LINGO2: variants seen among roughly 807,000 people sequenced by gnomAD.
LINGO2 encodes the protein leucine-rich repeat and immunoglobulin-like domain-containing nogo receptor-interacting protein 2.
In LINGO2, 14 loss-of-function variants were observed where a neutral mutation model predicts 30.6. The observed-to-expected ratio is 0.46, with a 90% CI of 0.30 to 0.72. The LOEUF (loss-of-function observed/expected upper bound fraction) is 0.72, where lower values mean the gene tolerates loss of function less well. Ranked by LOEUF, LINGO2 falls within the 30% of genes least tolerant of loss-of-function variation. The pLI, the probability that LINGO2 is intolerant of heterozygous loss-of-function variation, is 0.07. For synonymous variants in LINGO2, 317 were observed against 288.5 expected, an observed-to-expected ratio of 1.10 and a Z score of -1.00; for missense variants, 729 against 751.7, an observed-to-expected ratio of 0.97 and a Z score of 0.35.
intron 4 of LINGO2, among the ~76,000 whole-genome samples, chr9:28,060,913 G>T (rs749019728): frequency 6.3e-4 from 96 of 151,884 alleles, no homozygotes; most frequent in Non-Finnish European, 2.9e-4. Flanking sequence ...TTACAGATAC[G>T]CTGTTTCTTC....
chr9:28,433,949 C>CTCTCTCTCTCTCTATATATATATA (rs1225323260), intron 2 of LINGO2, among the ~76,000 whole-genome samples: 6 of 88,540 alleles, frequency 6.8e-5, no homozygotes, highest in African/African-American at 2.7e-4. Flanking sequence ...CTCTCTCTCT[C>CTCTCTCTCTCTCTATATATATATA]TATATATATA....
intron 4 of LINGO2, among the ~76,000 whole-genome samples, chr9:28,068,721 A>T (rs1039372142): frequency 1.3e-5 from 2 of 152,182 alleles, no homozygotes; most frequent in African/African-American, 4.8e-5. Flanking sequence ...CATCTTACAT[A>T]TCAGGAAGTG....
At chr9:28,305,295 C>T (rs1434555212) in intron 3 of LINGO2, among the ~76,000 whole-genome samples, 1 of 151,980 alleles carries the variant, frequency 6.6e-6, no homozygotes, top group Non-Finnish European at 1.5e-5. Flanking sequence ...TGAATGCTTT[C>T]TTATTAAGAT....
At chr9:28,426,849 C>T (rs1047587775) in intron 2 of LINGO2, among the ~76,000 whole-genome samples, 9 of 152,022 alleles carry the variant, frequency 5.9e-5, no homozygotes, top group Non-Finnish European at 1.2e-4. Context: ...TACCAAACTC[C>T]CCTTTAACAA....
intron 1 of LINGO2, among the ~76,000 whole-genome samples, chr9:28,515,576 A>C (rs1012843353): frequency 2.6e-5 from 4 of 152,182 alleles, no homozygotes; most frequent in African/African-American, 9.7e-5. Flanking sequence ...ACGTAGTGGA[A>C]ATACCAAGAG....
intron 1 of LINGO2, among the ~76,000 whole-genome samples, chr9:28,500,781 G>C (rs1819851931): frequency 6.6e-6 from 1 of 151,998 alleles, no homozygotes; most frequent in African/African-American, 2.4e-5. Context: ...CAAATAGAGA[G>C]GTGATCTCTG....
At chr9:28,366,205 C>T (rs1188001159) in intron 3 of LINGO2, among the ~76,000 whole-genome samples, 2 of 152,148 alleles carry the variant, frequency 1.3e-5, no homozygotes, top group Non-Finnish European at 2.9e-5. Context: ...GAAGAAGAAG[C>T]AGGGCATAAC....
At chr9:28,326,674 A>G (rs1175959688) in intron 3 of LINGO2, among the ~76,000 whole-genome samples, 1 of 152,180 alleles carries the variant, frequency 6.6e-6, no homozygotes, top group African/African-American at 2.4e-5. Flanking sequence ...GCTCTAAGAC[A>G]TGGTATATAC....
chr9:28,206,027 T>C (rs2133838407), intron 4 of LINGO2, among the ~76,000 whole-genome samples: 1 of 151,948 alleles, frequency 6.6e-6, no homozygotes, highest in East Asian at 1.9e-4. Flanking sequence ...TAGCCAGGTG[T>C]GGTGGTGTCT....
chr9:28,810,366 G>A, the LINGO2 span, among the ~76,000 whole-genome samples: 1 of 152,096 alleles, frequency 6.6e-6, no homozygotes, highest in South Asian at 2.1e-4. Context: ...TTAAAATGAT[G>A]AAGTATCATG....
At chr9:28,250,121 C>G (rs150675815) in intron 4 of LINGO2, among the ~76,000 whole-genome samples, 4 of 152,066 alleles carry the variant, frequency 2.6e-5, no homozygotes, top group South Asian at 4.1e-4. Flanking sequence ...CCTCATGGGT[C>G]TTAACAATGA....
At chr9:28,281,062 T>C (rs1410018052) in intron 4 of LINGO2, among the ~76,000 whole-genome samples, 1 of 152,160 alleles carries the variant, frequency 6.6e-6, no homozygotes, top group Non-Finnish European at 1.5e-5. Flanking sequence ...TGGTCAGATA[T>C]GCAAACTTTG....
chr9:28,167,266 C>T (rs1429343763), intron 4 of LINGO2, among the ~76,000 whole-genome samples: 3 of 150,406 alleles, frequency 2.0e-5, no homozygotes, highest in Non-Finnish European at 4.4e-5. Flanking sequence ...ATCCCCATTT[C>T]TGTGCCATGA....
intron 4 of LINGO2, among the ~76,000 whole-genome samples, chr9:28,183,814 C>T (rs1231813627): frequency 2.6e-5 from 4 of 152,262 alleles, no homozygotes; most frequent in East Asian, 1.9e-4. Flanking sequence ...AAGGCCATAG[C>T]TAAGGCCCAA....
chr9:28,728,658 C>T, the LINGO2 span, among the ~76,000 whole-genome samples: 1 of 151,908 alleles, frequency 6.6e-6, no homozygotes, highest in African/African-American at 2.4e-5. Flanking sequence ...CCCCTAAACC[C>T]ACCACCCAGA....
intron 4 of LINGO2, among the ~76,000 whole-genome samples, chr9:28,183,677 T>C (rs1317551031): frequency 6.6e-6 from 1 of 152,112 alleles, no homozygotes; most frequent in Non-Finnish European, 1.5e-5. Flanking sequence ...TTGCATGAAA[T>C]TCCACTCTTA....
At chr9:28,616,627 C>T (rs1324974231) in intron 1 of LINGO2, among the ~76,000 whole-genome samples, 2 of 152,208 alleles carry the variant, frequency 1.3e-5, no homozygotes, top group Non-Finnish European at 2.9e-5. Context: ...AAATGTATTT[C>T]CCTGCCCTGA....
At chr9:29,160,938 G>T in the LINGO2 span, among the ~76,000 whole-genome samples, 2 of 152,204 alleles carry the variant, frequency 1.3e-5, no homozygotes, top group Non-Finnish European at 2.9e-5. Context: ...GTCTGCAGAA[G>T]GTATAAATGC....
intron 1 of LINGO2, among the ~76,000 whole-genome samples, chr9:28,620,180 G>T (rs570921831): frequency 1.5e-4 from 23 of 152,134 alleles, no homozygotes; most frequent in African/African-American, 5.3e-4. Flanking sequence ...TAAATACTCT[G>T]CATTGTTTTC....
Sources: allele counts gnomAD v4.1 joint callset (sites outside exome capture counted in the v4.1 genomes callset), GRCh38; gene constraint gnomAD v4.1.1; transcripts MANE v1.5; gene names NCBI Gene and HGNC (gene_info 2026-07-23, HGNC 2026-07-21).